The following IGF2BP1 variants were observed in gnomAD, a reference collection of about 807,000 sequenced individuals.
IGF2BP1 encodes insulin like growth factor 2 mRNA binding protein 1, also known as insulin-like growth factor 2 mRNA-binding protein 1.
In IGF2BP1, 11 loss-of-function variants were observed where a neutral mutation model predicts 74.9. That is an observed-to-expected ratio of 0.15 (90% confidence interval 0.09 to 0.24). The LOEUF is 0.24. Ranked by LOEUF, IGF2BP1 falls within the 10% of genes least tolerant of loss-of-function variation. The pLI is 1.00. For missense variants in IGF2BP1, 440 were observed against 757.4 expected, an observed-to-expected ratio of 0.58 and a Z score of 4.92; for synonymous variants, 287 against 281.8, an observed-to-expected ratio of 1.02 and a Z score of -0.18.
chr17:49,007,627 C>T (rs1005786274), intron 2 of IGF2BP1, among the ~76,000 whole-genome samples: 1 of 152,154 alleles, frequency 6.6e-6, no homozygotes, highest in Admixed American at 6.5e-5. Flanking sequence ...GATGTATTGC[C>T]TCTTTCTGGA....
At position 49,037,322 on chromosome 17, in the gene IGF2BP1, T is replaced by C. The variant is rs73336306; in HGVS notation, c.402-846T>C. On this transcript the variant is annotated intron_variant, in intron 5 of 14. Coordinates refer to ENST00000290341, the MANE Select transcript of IGF2BP1 (RefSeq NM_006546.4). ...AAGGACGTCTAACTGCTCACTATAA[T>C]GATCCAGCCTTTTATGAAGAATGCA... 1,960 of 498,436 alleles carry C rather than the reference T, an allele frequency of 3.9e-3. 43 individuals are homozygous for C. Among genetic ancestry groups the C allele is most frequent in the African/African-American group, 0.036 (1,809 of 49,860 alleles). 30.9% of individuals were successfully genotyped at this position (498,436 alleles called of 1,614,324 possible). A position where few individuals can be genotyped will look rare whatever the true frequency, so the allele number is the denominator to read the frequency against.
Position 49,040,039 on chromosome 17 carries a change from G to T in IGF2BP1, c.766G>T (p.Ala256Ser). ...CTCCACCCCTGAGGGCTGCTCCTCC[G>T]CTTGTAAGATGATCTTGGAGATTAT... ...VHSTPEGCSS[A>S]CKMILEIMHK... is the part of the protein sequence containing the mutation. The change falls in exon 7 of 15, where the codon GCT becomes TCT. Residue 256 changes from alanine to serine, a missense_variant. By Grantham distance (99) the Ala-to-Ser change is moderately conservative. Coordinates refer to ENST00000290341, the MANE Select transcript of IGF2BP1 (RefSeq NM_006546.4). The T allele has an allele frequency of 1.2e-6, 2 of 1,613,974 alleles. No individual in the cohort carries two copies. The highest frequency in any genetic ancestry group is 8.5e-7 in the Non-Finnish European group (1 of 1,180,012).
intron 2 of IGF2BP1, among the ~76,000 whole-genome samples, chr17:49,011,482 A>C (rs1309378818): frequency 6.6e-6 from 1 of 152,222 alleles, no homozygotes; most frequent in Non-Finnish European, 1.5e-5. Flanking sequence ...CTACAGAAGA[A>C]TCTGAACTAA....
intron 9 of IGF2BP1, among the ~76,000 whole-genome samples, chr17:49,043,077 G>T (rs770266734): frequency 6.6e-6 from 1 of 152,074 alleles, no homozygotes; most frequent in Non-Finnish European, 1.5e-5. Context: ...CTGTCTCCAC[G>T]CCTTTTTCTC....
intron 14 of IGF2BP1, among the ~76,000 whole-genome samples, chr17:49,048,850 T>G (rs1007663946): frequency 6.6e-6 from 1 of 152,076 alleles, no homozygotes. Flanking sequence ...CTTATGAGAA[T>G]CTACTGCATG....
rs753770145 is a variant in IGF2BP1 at position 49,031,917 on chromosome 17, C to T, written c.345C>T (p.Thr115=). 11 of 1,613,426 alleles carry T rather than the reference C, an allele frequency of 6.8e-6. No homozygotes were observed. The highest frequency in any genetic ancestry group is 6.7e-5 in the East Asian group (3 of 44,862). The change falls in exon 5 of 15, where the codon ACC becomes ACT. Residue 115 remains threonine, a synonymous_variant. Coordinates refer to ENST00000290341, the MANE Select transcript of IGF2BP1 (RefSeq NM_006546.4). Reference sequence around the variant, plus strand: ...CCTCTCTTTTCTCTGCAGTGAACACCGAGAGTGAGACGGCAGTGGTGAATG... The same window carrying T: ...CCTCTCTTTTCTCTGCAGTGAACACTGAGAGTGAGACGGCAGTGGTGAATG... The part of the protein sequence containing the change: ...GTVENCEQVN[T]ESETAVVNVT...
intron 2 of IGF2BP1, among the ~76,000 whole-genome samples, chr17:49,004,290 G>C (rs551897599): frequency 5.9e-5 from 8 of 136,060 alleles, no homozygotes; most frequent in Admixed American, 2.2e-4. Flanking sequence ...TACCCCACGA[G>C]AGGGTTCCCC....
intron 2 of IGF2BP1, among the ~76,000 whole-genome samples, chr17:49,010,034 T>G (rs1181281811): frequency 2.6e-5 from 4 of 151,592 alleles, no homozygotes; most frequent in African/African-American, 9.7e-5. Context: ...GAGCCGAGAT[T>G]GCGCCACTGC....
chr17:49,046,204 C>T, intron 13 of IGF2BP1, 56 bp from the exon 14 acceptor site: 1 of 1,520,438 alleles, frequency 6.6e-7, no homozygotes. Context: ...CTCCTCCCTC[C>T]AACCCCACCC....
rs984844711 is a variant in IGF2BP1, at chr17:49,052,467, C to T, written c.*3023C>T. The T allele has an allele frequency of 1.3e-5, 2 of 152,224 alleles. No homozygotes were observed. Among genetic ancestry groups the T allele is most frequent in the African/African-American group, 2.4e-5 (1 of 41,432 alleles). 9.4% of individuals were successfully genotyped at this position (152,224 alleles called of 1,614,324 possible). A position where few individuals can be genotyped will look rare whatever the true frequency, so the allele number is the denominator to read the frequency against. ...AGTCCTTTTCCGTTGGCTGATTCAG[C>T]TCCCAGAAGAGACGAGGAAGTGTGT... On this transcript the variant is annotated 3_prime_UTR_variant, in exon 15 of 15. Coordinates refer to ENST00000290341, the MANE Select transcript of IGF2BP1 (RefSeq NM_006546.4).
chr17:49,022,194 AAC>A (rs1344273508), intron 2 of IGF2BP1, among the ~76,000 whole-genome samples: 2 of 152,122 alleles, frequency 1.3e-5, no homozygotes, highest in African/African-American at 4.8e-5. Flanking sequence ...CCAAGTTCCC[AAC>A]ACACTGCCCC....
chr17:49,002,129 G>T (rs1253100911), intron 2 of IGF2BP1, among the ~76,000 whole-genome samples: 3 of 151,958 alleles, frequency 2.0e-5, no homozygotes, highest in African/African-American at 7.2e-5. Context: ...CAGATTAATG[G>T]TCCTTTTCCT....
chr17:49,046,057 T>A, intron 13 of IGF2BP1, 36 bp downstream of exon 13: 1 of 1,609,490 alleles, frequency 6.2e-7, no homozygotes, highest in Non-Finnish European at 8.5e-7. Context: ...GCCCTGGGCC[T>A]TGGTCTCCAA....
At chr17:49,001,517 C>T (rs1164970229) in intron 2 of IGF2BP1, among the ~76,000 whole-genome samples, 1 of 151,978 alleles carries the variant, frequency 6.6e-6, no homozygotes, top group African/African-American at 2.4e-5. Context: ...GTAGCAATAC[C>T]TCTTAATGTA....
chr17:49,015,273 G>C (rs765415609), intron 2 of IGF2BP1, among the ~76,000 whole-genome samples: 2 of 152,138 alleles, frequency 1.3e-5, no homozygotes, highest in Non-Finnish European at 2.9e-5. Flanking sequence ...TTGCCCGGCC[G>C]TGACCGTATG....
At chr17:49,046,747 GGA>G (rs2042112224) in intron 14 of IGF2BP1, among the ~76,000 whole-genome samples, 2 of 151,892 alleles carry the variant, frequency 1.3e-5, no homozygotes, top group Non-Finnish European at 2.9e-5. Flanking sequence ...TTTTGTTCAT[GGA>G]ATAATGATAA....
At chr17:49,037,956 A>G (rs572559853) in intron 5 of IGF2BP1, among the ~76,000 whole-genome samples, 43 of 152,224 alleles carry the variant, frequency 2.8e-4, no homozygotes, top group Non-Finnish European at 5.6e-4. Flanking sequence ...AGTGTTAGGG[A>G]ACACTGTATT....
chr17:49,035,581 A>ACACATGTGGGGCCCCAC (rs1198923114), intron 5 of IGF2BP1, among the ~76,000 whole-genome samples: 1 of 152,110 alleles, frequency 6.6e-6, no homozygotes, highest in Non-Finnish European at 1.5e-5. Flanking sequence ...GTCTCCCCAC[A>ACACATGTGGGGCCCCAC]CACATGTGGG....
Position 49,055,384 on chromosome 17 carries a change from G to A in IGF2BP1, c.*5940G>A. 1 of 349,994 alleles carries A rather than the reference G, an allele frequency of 2.9e-6. No homozygotes were observed. Among genetic ancestry groups the A allele is most frequent in the Non-Finnish European group, 5.1e-6 (1 of 195,318 alleles). The allele number at this position is 349,994 out of a possible 1,614,324, so 21.7% of individuals were successfully genotyped here. ...CTATTCCTGCCAGTGAGTCCTTCCTGTGCTTCTCTCCCTTCTCCCCTCCCA... is the reference window on the plus strand; with the variant it reads ...CTATTCCTGCCAGTGAGTCCTTCCTATGCTTCTCTCCCTTCTCCCCTCCCA... On this transcript the variant is annotated 3_prime_UTR_variant, in exon 15 of 15. Transcript: ENST00000290341.
Sources: allele counts gnomAD v4.1 joint callset (sites outside exome capture counted in the v4.1 genomes callset), GRCh38; gene constraint gnomAD v4.1.1; transcripts MANE v1.5; gene names NCBI Gene and HGNC (gene_info 2026-07-23, HGNC 2026-07-21).